NRXN1: variants seen among roughly 807,000 people sequenced by gnomAD.
The protein encoded by NRXN1 is neurexin 1.
In NRXN1, 39 loss-of-function variants were observed where a neutral mutation model predicts 150.9. The ratio of observed to expected loss-of-function variants is 0.26; its 90% CI spans 0.20 to 0.34. The LOEUF is 0.34. NRXN1 is among the 10% of genes least tolerant of loss of function. The probability of loss-of-function intolerance (pLI) is 1.00; values close to 1 mark genes in which losing one functional copy is unlikely to be tolerated. For synonymous variants in NRXN1, 924 were observed against 757.0 expected, an observed-to-expected ratio of 1.22 and a Z score of -3.62; for missense variants, 1,815 against 1,949.9, an observed-to-expected ratio of 0.93 and a Z score of 1.30.
intron 14 of NRXN1, among the ~76,000 whole-genome samples, chr2:50,496,827 TTA>T (rs2091660257): frequency 6.6e-6 from 1 of 152,310 alleles, no homozygotes; most frequent in South Asian, 2.1e-4. Context: ...CTGAAATCAA[TTA>T]AAATACATTA....
chr2:50,933,177 T>C (rs1211492395), intron 2 of NRXN1, among the ~76,000 whole-genome samples: 1 of 152,156 alleles, frequency 6.6e-6, no homozygotes, highest in Non-Finnish European at 1.5e-5. Flanking sequence ...AATTATTCCA[T>C]AAATTTCTTG....
At chr2:50,098,830 GTTTTTTTTTTTTTTTTTTTTTTTTTTT>G (rs746736925) in intron 18 of NRXN1, among the ~76,000 whole-genome samples, 40 of 105,556 alleles carry the variant, frequency 3.8e-4, no homozygotes, top group East Asian at 2.4e-3. Context: ...TTTGGTTTTA[GTTTTTTTTTTTTTTTTTTTTTTTTTTT>G]TTTTTTTTTT....
chr2:49,980,307 C>G (rs1679782742), intron 21 of NRXN1, among the ~76,000 whole-genome samples: 1 of 152,140 alleles, frequency 6.6e-6, no homozygotes, highest in Non-Finnish European at 1.5e-5. Context: ...TTCCAAGAGT[C>G]TGCATTGTTA....
rs1226638664 is a variant in NRXN1, at chr2:50,650,912, A to T, written c.833-27297T>A. ...AAAGTATAAAAATAAATAATAGACA[A>T]CTCATTTTAGCTAACACTTTGGAAT... On this transcript the variant is annotated intron_variant, in intron 5 of 22. Transcript: ENST00000401669. Among the ~76,000 whole-genome samples the T allele has an allele frequency of 2.0e-5, 3 of 152,014 alleles. No individual in the cohort carries two copies. The South Asian group carries it at 6.2e-4, about 31-fold the overall frequency.
intron 1 of NRXN1, among the ~76,000 whole-genome samples, chr2:51,030,167 T>G (rs1379966442): frequency 6.6e-6 from 1 of 152,132 alleles, no homozygotes; most frequent in Non-Finnish European, 1.5e-5. Flanking sequence ...TGAAAAAAAT[T>G]ACAAATGTAT....
intron 18 of NRXN1, among the ~76,000 whole-genome samples, chr2:50,100,318 G>C (rs1700822364): frequency 6.6e-6 from 1 of 152,030 alleles, no homozygotes; most frequent in Non-Finnish European, 1.5e-5. Context: ...TGGTCGTAAA[G>C]TGAGAAAAAG....
At chr2:50,442,588 T>C (rs1310974900) in intron 17 of NRXN1, among the ~76,000 whole-genome samples, 1 of 152,156 alleles carries the variant, frequency 6.6e-6, no homozygotes, top group Non-Finnish European at 1.5e-5. Context: ...CTGTGAGATA[T>C]ACAACTGAAA....
intron 21 of NRXN1, among the ~76,000 whole-genome samples, chr2:49,969,021 T>G (rs1374378802): frequency 6.6e-6 from 1 of 152,080 alleles, no homozygotes; most frequent in Non-Finnish European, 1.5e-5. Context: ...GCTTAGTAAT[T>G]ACTTATATAT....
At chr2:50,657,765 C>G (rs533200355) in intron 5 of NRXN1, among the ~76,000 whole-genome samples, 1 of 152,108 alleles carries the variant, frequency 6.6e-6, no homozygotes, top group South Asian at 2.1e-4. Flanking sequence ...AAATTCTCAC[C>G]TTCCTTTAAA....
At chr2:50,645,922 G>A (rs760425707) in intron 5 of NRXN1, among the ~76,000 whole-genome samples, 32 of 151,936 alleles carry the variant, frequency 2.1e-4, no homozygotes, top group African/African-American at 3.9e-4. Flanking sequence ...AATTACATTC[G>A]TTTAAAGTGC....
intron 18 of NRXN1, among the ~76,000 whole-genome samples, chr2:50,161,382 C>T (rs1329711552): frequency 6.6e-6 from 1 of 152,082 alleles, no homozygotes; most frequent in East Asian, 1.9e-4. Flanking sequence ...ACATGCTTCT[C>T]CAAAAAGCAG....
At chr2:50,497,820 T>A (rs2091726815) in intron 13 of NRXN1, 106 bp from the exon 14 acceptor site, 4 of 996,396 alleles carry the variant, frequency 4.0e-6, no homozygotes, top group Non-Finnish European at 5.9e-6. Flanking sequence ...GCCAAATCCC[T>A]CCTTGGTACT....
At chr2:50,629,516 T>C (rs934476167) in intron 5 of NRXN1, among the ~76,000 whole-genome samples, 1 of 151,588 alleles carries the variant, frequency 6.6e-6, no homozygotes, top group African/African-American at 2.4e-5. Flanking sequence ...ACAATTAATG[T>C]TGTTCTTGAT....
chr2:50,410,682 A>C (rs1197641032), intron 17 of NRXN1, among the ~76,000 whole-genome samples: 3 of 152,252 alleles, frequency 2.0e-5, no homozygotes, highest in Admixed American at 1.3e-4. Context: ...TCAGAAAAAA[A>C]AAGTATAAAA....
At chr2:50,294,738 G>A (rs891279029) in intron 17 of NRXN1, among the ~76,000 whole-genome samples, 1 of 152,174 alleles carries the variant, frequency 6.6e-6, no homozygotes, top group African/African-American at 2.4e-5. Context: ...GTTGTTTGAT[G>A]AGTAAAATAT....
chr2:50,151,072 C>G (rs551162993), intron 18 of NRXN1, among the ~76,000 whole-genome samples: 1 of 151,690 alleles, frequency 6.6e-6, no homozygotes, highest in Non-Finnish European at 1.5e-5. Context: ...TTTTTCACCT[C>G]AAGGAAAAGC....
At position 50,320,304 on chromosome 2, in the gene NRXN1, A is replaced by ATG. The variant is rs2075934321; in HGVS notation, c.3365-83335_3365-83334insCA. ...CAATCATATATATATATATATATATATATATATATATATATATATATATAG... is the reference window on the plus strand; with the variant it reads ...CAATCATATATATATATATATATATATGTATATATATATATATATATATATAG... On this transcript the variant is annotated intron_variant, in intron 17 of 22. Transcript: ENST00000401669. 4.2e-5 allele frequency among the ~76,000 whole-genome samples: 5 copies of ATG among 120,464 alleles called. 1 individual carries two copies. Among genetic ancestry groups the ATG allele is most frequent in the African/African-American group, 1.6e-4 (5 of 30,344 alleles). The allele number at this position is 120,464 out of a possible 152,430, so 79.0% of individuals were successfully genotyped here. A position where few individuals can be genotyped will look rare whatever the true frequency, so the allele number is the denominator to read the frequency against.
Position 49,957,200 on chromosome 2 carries a change from T to C in NRXN1, c.4129-13409A>G, listed in dbSNP as rs140040353. Reference sequence around the variant, plus strand: ...CTGCCACTTACTAGCTGTGTAACCCTGGGCAAGTTCCCCAACTTCTCTGGA... The same window carrying C: ...CTGCCACTTACTAGCTGTGTAACCCCGGGCAAGTTCCCCAACTTCTCTGGA... On this transcript the variant is annotated intron_variant, in intron 21 of 22. Transcript: ENST00000401669. Among the ~76,000 whole-genome samples the C allele has an allele frequency of 2.8e-3, 420 of 152,262 alleles. 2 individuals are homozygous for C. Among genetic ancestry groups the C allele is most frequent in the African/African-American group, 9.7e-3 (403 of 41,548 alleles).
At chr2:50,709,457 G>C (rs138866437) in intron 5 of NRXN1, among the ~76,000 whole-genome samples, 2 of 152,250 alleles carry the variant, frequency 1.3e-5, no homozygotes, top group African/African-American at 4.8e-5. Flanking sequence ...CGGCTTCTCA[G>C]AGGAAGTAGC....
Sources: gnomAD v4.1 joint callset for allele counts (sites outside exome capture counted in the v4.1 genomes callset) on GRCh38, gnomAD v4.1.1 for gene constraint, MANE v1.5 for transcripts, NCBI Gene and HGNC (gene_info 2026-07-23, HGNC 2026-07-21) for gene names.